The following LYRM4 variants were observed in gnomAD, a reference collection of about 807,000 sequenced individuals.
LYRM4 encodes LYR motif containing 4, also known as LYR motif-containing protein 4.
A neutral mutation model predicts 11.7 loss-of-function variants in LYRM4; 9 were observed. That is an observed-to-expected ratio of 0.77 (90% confidence interval 0.46 to 1.34). The LOEUF (loss-of-function observed/expected upper bound fraction) is 1.34, where lower values mean the gene tolerates loss of function less well. Ranked by LOEUF, LYRM4 falls within the 40% of genes most tolerant of loss-of-function variation. LYRM4 has a pLI of 0.00. For synonymous variants in LYRM4, 42 were observed against 40.4 expected (o/e 1.04, Z -0.15); for missense variants, 133 against 112.5 (o/e 1.18, Z -0.82).
At chr6:5,100,945 C>T (rs1561795760), downstream of LYRM4, among the ~76,000 whole-genome samples, 1 of 152,220 alleles carries the variant, frequency 6.6e-6, no homozygotes, top group Non-Finnish European at 1.5e-5. Flanking sequence ...CTGACCCACA[C>T]AGACACTGCC....
At chr6:5,036,417 C>G in the LYRM4 span, among the ~76,000 whole-genome samples, 3 of 152,106 alleles carry the variant, frequency 2.0e-5, no homozygotes, top group African/African-American at 7.2e-5. Context: ...GCAACCTGGG[C>G]GTGGTTTCAA....
chr6:5,063,229 G>A, the LYRM4 span, among the ~76,000 whole-genome samples: 1 of 151,962 alleles, frequency 6.6e-6, no homozygotes, highest in African/African-American at 2.4e-5. Context: ...AGACGGGACG[G>A]CCACTTCATC....
chr6:5,040,952 A>G, the LYRM4 span, among the ~76,000 whole-genome samples: 1 of 152,090 alleles, frequency 6.6e-6, no homozygotes, highest in Non-Finnish European at 1.5e-5. Flanking sequence ...AAAGAGCCCC[A>G]TATGCGAGAC....
chr6:5,080,639 T>C, the LYRM4 span, among the ~76,000 whole-genome samples: 1 of 152,178 alleles, frequency 6.6e-6, no homozygotes, highest in Non-Finnish European at 1.5e-5. Context: ...ATTTGGTAAT[T>C]TGGCAAATAT....
intron 1 of LYRM4, chr6:5,240,450 TA>T (rs1344604803): frequency 2.0e-5 from 3 of 152,224 alleles, no homozygotes; most frequent in African/African-American, 7.2e-5. Flanking sequence ...TTAAGAAATC[TA>T]AAACAATAGC....
the LYRM4 span, among the ~76,000 whole-genome samples, chr6:5,092,874 C>G: frequency 2.6e-5 from 4 of 152,126 alleles, no homozygotes; most frequent in African/African-American, 9.7e-5. Flanking sequence ...AAACCCAGAG[C>G]CCCTGTGACG....
At chr6:5,072,309 T>C in the LYRM4 span, among the ~76,000 whole-genome samples, 4 of 152,334 alleles carry the variant, frequency 2.6e-5, no homozygotes, top group South Asian at 2.1e-4. Context: ...GTCTTTATAA[T>C]AGAATGATTT....
chr6:5,258,193 A>G (rs1180246072), intron 1 of LYRM4, among the ~76,000 whole-genome samples: 1 of 152,234 alleles, frequency 6.6e-6, no homozygotes, highest in Non-Finnish European at 1.5e-5. Context: ...AGGAGCAGAC[A>G]GGGCTCCTGC....
Position 5,132,091 on chromosome 6 carries a change from G to C in LYRM4, c.208-22600C>G, listed in dbSNP as rs576757227. ...GCTTTCAGGACAGGCCCACAGAAAA[G>C]AAAAAGGGCATTTTTGCATCTCATC... On this transcript the variant is annotated intron_variant, in intron 2 of 2. Coordinates refer to ENST00000330636, the MANE Select transcript of LYRM4 (RefSeq NM_020408.6). 2.6e-5 allele frequency among the ~76,000 whole-genome samples: 4 copies of C among 152,242 alleles called. No individual in the cohort carries two copies. The East Asian group carries it at 5.8e-4, about 22-fold the overall frequency.
intron 1 of LYRM4, 47 bp downstream of exon 1, chr6:5,260,601 C>CCGGCCCCGGG: frequency 5.0e-6 from 6 of 1,202,664 alleles, no homozygotes; most frequent in Non-Finnish European, 7.0e-6. Context: ...CCCCCGGTCC[C>CCGGCCCCGGG]CGGCCCCTGG....
At chr6:5,230,739 G>T (rs1763187866) in intron 1 of LYRM4, among the ~76,000 whole-genome samples, 1 of 152,112 alleles carries the variant, frequency 6.6e-6, no homozygotes, top group Non-Finnish European at 1.5e-5. Context: ...ATAGGAAATA[G>T]GAGTCAAATA....
At chr6:5,057,538 GA>G in the LYRM4 span, among the ~76,000 whole-genome samples, 607 of 151,780 alleles carry the variant, frequency 4.0e-3, 1 homozygote, top group Middle Eastern at 0.017. Context: ...CCAAGATGGT[GA>G]AACCCCCATC....
chr6:5,109,621 G>A, intron 2 of LYRM4, 130 bp from the exon 3 acceptor site: 1 of 841,196 alleles, frequency 1.2e-6, no homozygotes, highest in Non-Finnish European at 1.9e-6. Context: ...TCCGGCAACT[G>A]CACTGCGGGG....
At chr6:5,119,818 A>C (rs971404143) in intron 2 of LYRM4, among the ~76,000 whole-genome samples, 18 of 151,514 alleles carry the variant, frequency 1.2e-4, no homozygotes, top group East Asian at 3.9e-4. Context: ...AAAAAAAAAA[A>C]AACAACCACA....
At chr6:5,079,299 T>C in the LYRM4 span, among the ~76,000 whole-genome samples, 1 of 152,176 alleles carries the variant, frequency 6.6e-6, no homozygotes, top group African/African-American at 2.4e-5. Flanking sequence ...AAGGTTAATT[T>C]AGTAGGTTTG....
At chr6:5,041,448 A>C in the LYRM4 span, among the ~76,000 whole-genome samples, 17 of 152,228 alleles carry the variant, frequency 1.1e-4, no homozygotes, top group Non-Finnish European at 2.2e-4. Context: ...CTGGTCTGTA[A>C]ATGAACCTGT....
At chr6:5,246,619 T>A (rs151006490) in intron 1 of LYRM4, among the ~76,000 whole-genome samples, 3 of 151,998 alleles carry the variant, frequency 2.0e-5, no homozygotes, top group Non-Finnish European at 4.4e-5. Flanking sequence ...GAAGTCAGCA[T>A]GGGATGGGTG....
the LYRM4 span, among the ~76,000 whole-genome samples, chr6:5,064,368 A>G: frequency 6.6e-6 from 1 of 152,078 alleles, no homozygotes; most frequent in African/African-American, 2.4e-5. Flanking sequence ...AAAATAATTA[A>G]TATGTTTTAT....
At chr6:5,119,016 AAGTGTGGT>A (rs1392038773) in intron 2 of LYRM4, among the ~76,000 whole-genome samples, 1 of 152,224 alleles carries the variant, frequency 6.6e-6, no homozygotes, top group African/African-American at 2.4e-5. Flanking sequence ...ATCTCCAATG[AAGTGTGGT>A]AGCTGAGAAA....
Sources: allele counts gnomAD v4.1 joint callset (sites outside exome capture counted in the v4.1 genomes callset), GRCh38; gene constraint gnomAD v4.1.1; transcripts MANE v1.5; gene names NCBI Gene and HGNC (gene_info 2026-07-23, HGNC 2026-07-21).